The following CDC42BPB variants were observed in gnomAD, a reference collection of about 807,000 sequenced individuals.
The protein encoded by CDC42BPB is CDC42 binding protein kinase beta, also known as serine/threonine-protein kinase MRCK beta.
Under a neutral mutation model 214.9 loss-of-function variants are expected in CDC42BPB, and 37 were observed. The observed-to-expected ratio is 0.17, with a 90% CI of 0.13 to 0.23. CDC42BPB has a LOEUF of 0.23. CDC42BPB is among the 10% of genes least tolerant of loss of function. The probability of loss-of-function intolerance (pLI) is 1.00; values close to 1 mark genes in which losing one functional copy is unlikely to be tolerated. For synonymous variants in CDC42BPB, 931 were observed against 884.0 expected, an observed-to-expected ratio of 1.05 and a Z score of -0.94; for missense variants, 1,694 against 2,227.0, an observed-to-expected ratio of 0.76 and a Z score of 4.82.
chr14:102,976,436 C>T (rs938693166), intron 9 of CDC42BPB, among the ~76,000 whole-genome samples: 1 of 152,224 alleles, frequency 6.6e-6, no homozygotes, highest in Non-Finnish European at 1.5e-5. Context: ...GTTTGGCCAC[C>T]AACTGGCCAA....
chr14:102,936,864 T>A (rs901746198), intron 36 of CDC42BPB: 2 of 152,216 alleles, frequency 1.3e-5, no homozygotes, highest in Non-Finnish European at 2.9e-5. Context: ...CTGAGTAGTT[T>A]AAAGTAACTT....
At chr14:102,946,136 G>C (rs1892157992) in intron 28 of CDC42BPB, among the ~76,000 whole-genome samples, 1 of 152,108 alleles carries the variant, frequency 6.6e-6, no homozygotes, top group Admixed American at 6.6e-5. Context: ...AGTCTCCCAA[G>C]TAGCTGGGAC....
At chr14:103,046,929 G>A (rs1888322523) in intron 1 of CDC42BPB, among the ~76,000 whole-genome samples, 1 of 151,794 alleles carries the variant, frequency 6.6e-6, no homozygotes, top group Non-Finnish European at 1.5e-5. Flanking sequence ...GGGATTACAG[G>A]CAGGAGCCGC....
At chr14:103,041,486 T>G (rs1056118603) in intron 1 of CDC42BPB, 2 of 1,313,208 alleles carry the variant, frequency 1.5e-6, no homozygotes, top group East Asian at 2.3e-5. Context: ...CCAGCCAGAA[T>G]GGCATGGAAG....
intron 24 of CDC42BPB, among the ~76,000 whole-genome samples, chr14:102,952,091 T>C (rs185394828): frequency 4.7e-4 from 71 of 152,298 alleles, no homozygotes; most frequent in African/African-American, 1.6e-3. Flanking sequence ...CTCATGCCTG[T>C]AATTCCAGCA....
intron 21 of CDC42BPB, among the ~76,000 whole-genome samples, chr14:102,957,792 C>A (rs1892777713): frequency 1.3e-5 from 2 of 152,148 alleles, no homozygotes; most frequent in Admixed American, 1.3e-4. Flanking sequence ...CACATGGGCA[C>A]CTGCTGACTG....
chr14:102,980,697 T>A, intron 8 of CDC42BPB, 76 bp downstream of exon 8: 1 of 1,412,368 alleles, frequency 7.1e-7, no homozygotes, highest in South Asian at 1.2e-5. Flanking sequence ...ACTGACTTGA[T>A]AAGCAACGCC....
At position 103,019,776 on chromosome 14, in the gene CDC42BPB, A is replaced by G. The variant is rs563375181; in HGVS notation, c.176-7588T>C. On this transcript the variant is annotated intron_variant, in intron 1 of 36. Transcript: ENST00000361246. ...AATCTCTTCATTCCTCCTACCCCGA[A>G]CTGTCCCCTAAAGAACTTCTCTTGA... is the stretch of plus-strand genomic sequence containing the variant. Among the ~76,000 whole-genome samples, 8 of 152,326 alleles carry G rather than the reference A, an allele frequency of 5.3e-5. No individual in the cohort carries two copies. In the South Asian group the frequency reaches 1.5e-3, roughly 28 times the overall value.
chr14:103,037,420 A>G (rs898645473), intron 1 of CDC42BPB, among the ~76,000 whole-genome samples: 1 of 152,122 alleles, frequency 6.6e-6, no homozygotes, highest in Non-Finnish European at 1.5e-5. Flanking sequence ...CAGCCTCCCG[A>G]GCAGCCGGGA....
At chr14:103,008,631 G>A in intron 2 of CDC42BPB, 76 bp from the exon 3 acceptor site, 1 of 1,578,440 alleles carries the variant, frequency 6.3e-7, no homozygotes, top group Non-Finnish European at 8.6e-7. Flanking sequence ...AAACTGTAGT[G>A]AAATCCTAAC....
At chr14:103,021,983 T>C (rs1050573096) in intron 1 of CDC42BPB, among the ~76,000 whole-genome samples, 1 of 152,010 alleles carries the variant, frequency 6.6e-6, no homozygotes, top group African/African-American at 2.4e-5. Context: ...CAGAGGCTGG[T>C]GGGCTGAGTG....
chr14:102,970,481 A>G, intron 13 of CDC42BPB: 1 of 529,482 alleles, frequency 1.9e-6, no homozygotes, highest in Non-Finnish European at 2.4e-6. Context: ...TCTAGCTTAA[A>G]TTGACACTTA....
intron 6 of CDC42BPB, among the ~76,000 whole-genome samples, chr14:102,984,610 TCAG>T (rs995402597): frequency 1.8e-4 from 27 of 152,094 alleles, no homozygotes; most frequent in Middle Eastern, 3.4e-3. Flanking sequence ...ACGGGCCACC[TCAG>T]AGCAAGCGGG....
intron 34 of CDC42BPB, chr14:102,938,710 C>T (rs1048346914): frequency 1.1e-4 from 28 of 244,896 alleles, no homozygotes; most frequent in African/African-American, 5.4e-4. Flanking sequence ...CTCACTGCAA[C>T]CTCTGCCTCC....
chr14:103,019,816 A>G (rs1453917431), intron 1 of CDC42BPB, among the ~76,000 whole-genome samples: 1 of 152,238 alleles, frequency 6.6e-6, no homozygotes, highest in East Asian at 1.9e-4. Context: ...CTAGAAAACA[A>G]TGGATTAATC....
intron 2 of CDC42BPB, among the ~76,000 whole-genome samples, chr14:103,010,064 T>C (rs944680262): frequency 5.6e-4 from 85 of 151,768 alleles, no homozygotes; most frequent in African/African-American, 2.0e-3. Context: ...GGCGGGAGGG[T>C]TGCTTGAGCC....
intron 36 of CDC42BPB, 135 bp from the exon 37 acceptor site, chr14:102,933,978 C>A (rs1891515773): frequency 1.4e-6 from 2 of 1,406,156 alleles, no homozygotes; most frequent in Non-Finnish European, 1.8e-6. Context: ...TGAAAACACA[C>A]ACGCTCTACA....
intron 30 of CDC42BPB, chr14:102,941,412 G>A (rs1891883396): frequency 1.0e-6 from 1 of 985,330 alleles, no homozygotes; most frequent in African/African-American, 1.7e-5. Context: ...AATACAAAAA[G>A]GGAAATCAAA....
chr14:103,044,344 TGCACACCAACACAGCCG>T (rs1888171068), intron 1 of CDC42BPB, among the ~76,000 whole-genome samples: 1 of 149,636 alleles, frequency 6.7e-6, no homozygotes, highest in Admixed American at 6.7e-5. Flanking sequence ...GAACTACAGG[TGCACACCAACACAGCCG>T]GCACCTTTTT....
Sources: allele counts gnomAD v4.1 joint callset (sites outside exome capture counted in the v4.1 genomes callset), GRCh38; gene constraint gnomAD v4.1.1; transcripts MANE v1.5; gene names NCBI Gene and HGNC (gene_info 2026-07-23, HGNC 2026-07-21).